Variants in CEL observed in about 807,000 individuals in gnomAD.
The protein encoded by CEL is carboxyl ester lipase, also known as bile salt-activated lipase.
CEL carries 39 observed loss-of-function variants against 57.1 expected under a neutral mutation model. That is an observed-to-expected ratio of 0.68 (90% CI 0.53 to 0.89). CEL has a LOEUF of 0.89. CEL is among the 40% of genes least tolerant of loss of function. The pLI is 0.00. For synonymous variants in CEL, 314 were observed against 396.6 expected, an observed-to-expected ratio of 0.79 and a Z score of 2.48; for missense variants, 698 against 915.0, an observed-to-expected ratio of 0.76 and a Z score of 3.06.
Position 133,066,480 on chromosome 9 carries a change from C to T in CEL, c.539-50C>T. ...TATGCTGATCTCCCCTCCTGGAGGC[C>T]AGGCCTGGGCCACTGGTCTCTAGCA... On this transcript the variant is annotated intron_variant, in intron 4 of 10. Coordinates refer to ENST00000372080, the MANE Select transcript of CEL (RefSeq NM_001807.6). The surrounding 1 kb of genome is among the most constrained non-coding windows in gnomAD (Gnocchi z 4.3). 6.2e-7 allele frequency: 1 copy of T among 1,612,352 alleles called. No homozygotes were observed. The highest frequency in any genetic ancestry group is 1.3e-5 in the African/African-American group (1 of 75,036).
At chr9:133,068,604 G>C in intron 7 of CEL, 68 bp from the exon 8 acceptor site, 3 of 1,609,886 alleles carry the variant, frequency 1.9e-6, no homozygotes, top group Non-Finnish European at 2.5e-6. Flanking sequence ...AGCCCTGAGA[G>C]GCAAGGGGCG....
intron 9 of CEL, among the ~76,000 whole-genome samples, chr9:133,070,074 G>A (rs1356007634): frequency 6.6e-6 from 1 of 151,652 alleles, no homozygotes; most frequent in Non-Finnish European, 1.5e-5. Context: ...AAGCTTTGCA[G>A]CAACTAAGCA....
chr9:133,070,549 AT>A lies in CEL; in HGVS notation c.1377del (p.Gln460SerfsTer25), dbSNP rs781635494. The A allele has an allele frequency of 1.9e-6, 3 of 1,613,822 alleles. No individual in the cohort carries two copies. In the East Asian group the frequency reaches 6.7e-5, roughly 36 times the overall value. ...GGTGGGGGCCGACCATGCAGATGAC[AT>A]TCAGTACGTTTTCGGGAAGCCCTTC... ...KWVGADHADD[I>X]QYVFGKPFAT... is the part of the protein sequence containing the mutation. On this transcript the variant is annotated frameshift_variant, in exon 10 of 11. Transcript: ENST00000372080. LOFTEE classifies it high-confidence loss of function.
chr9:133,066,941 A>G lies in CEL; in HGVS notation c.773A>G (p.Lys258Arg). Residue 258 changes from lysine to arginine, a missense_variant, in exon 6 of 11, where the codon AAA becomes AGA. Physicochemically the swap from Lys to Arg is conservative, Grantham distance 26. Transcript: ENST00000372080. This position sits in a 1 kb window ranked among gnomAD's most constrained non-coding sequence, Gnocchi z 4.3. ...CAGAAAAACCCACTCTTCTGGGCCA[A>G]AAAGGTAAACGGAGGAGGGCAGGGC... is the stretch of plus-strand genomic sequence containing the variant. ...VIQKNPLFWA[K>R]KVAEKVGCPV... The G allele has an allele frequency of 6.2e-7, 1 of 1,613,290 alleles. No individual in the cohort carries two copies. Among genetic ancestry groups the G allele is most frequent in the Admixed American group, 1.7e-5 (1 of 59,980 alleles).
chr9:133,062,127 CT>C (rs1830100754), intron 1 of CEL, 59 bp downstream of exon 1: 1 of 1,488,116 alleles, frequency 6.7e-7, no homozygotes, highest in Non-Finnish European at 9.1e-7. Context: ...GATCTGGAAA[CT>C]TCGGGCCAGG....
At chr9:133,063,656 C>G (rs1270016676) in intron 1 of CEL, among the ~76,000 whole-genome samples, 4 of 152,186 alleles carry the variant, frequency 2.6e-5, no homozygotes, top group African/African-American at 7.2e-5. Flanking sequence ...TGACTTCAAG[C>G]CCAAAAGCTG....
At chr9:133,070,422 G>T (rs1588491900) in intron 9 of CEL, 39 bp from the exon 10 acceptor site, 5 of 1,577,886 alleles carry the variant, frequency 3.2e-6, no homozygotes, top group Non-Finnish European at 4.3e-6. Flanking sequence ...TCGGTCCCCA[G>T]TGAGCACCCT....
In CEL at chr9:133,065,103, A is replaced by G. The variant is rs550592216; in HGVS notation, c.404A>G (p.His135Arg). ...YGGAFLMGSGHGANFLNNYLY... is the reference protein window; with the variant it reads ...YGGAFLMGSGRGANFLNNYLY... Reference sequence around the variant, plus strand: ...GGCGCCTTCCTCATGGGGTCCGGCCATGGGGCCAACTTCCTCAACAACTAC... The same window carrying G: ...GGCGCCTTCCTCATGGGGTCCGGCCGTGGGGCCAACTTCCTCAACAACTAC... Residue 135 changes from histidine to arginine, a missense_variant, in exon 4 of 11, where the codon CAT becomes CGT. Transcript: ENST00000372080. 3 of 1,613,888 alleles carry G rather than the reference A, an allele frequency of 1.9e-6. No homozygotes were observed. In the South Asian group the frequency reaches 3.3e-5, roughly 18 times the overall value.
rs1315710354 is a variant in CEL, at chr9:133,064,466, G to T, written c.129G>T (p.Leu43=). The change falls in exon 2 of 11, where the codon CTG becomes CTT. Residue 43 remains leucine, a synonymous_variant. Transcript: ENST00000372080. ...VEGVNKKLGL[L]GDSVDIFKGI... ...GCGTCAATAAGAAGCTCGGCCTCCTGGGTGACTCTGTGGACATCTTCAAGG... is the reference window on the plus strand; with the variant it reads ...GCGTCAATAAGAAGCTCGGCCTCCTTGGTGACTCTGTGGACATCTTCAAGG... 6.2e-7 allele frequency: 1 copy of T among 1,614,158 alleles called. No individual in the cohort carries two copies. The highest frequency in any genetic ancestry group is 8.5e-7 in the Non-Finnish European group (1 of 1,180,016).
At chr9:133,070,044 T>C (rs999056190) in intron 9 of CEL, among the ~76,000 whole-genome samples, 4 of 151,842 alleles carry the variant, frequency 2.6e-5, no homozygotes, top group Admixed American at 1.3e-4. Flanking sequence ...GATAAAAGTA[T>C]ACCTAGAAGT....
Position 133,064,448 on chromosome 9 carries a change from T to C in CEL, c.111T>C (p.Asn37=), listed in dbSNP as rs371915512. ...AAGGTGGGTTCGTGGAAGGCGTCAA[T>C]AAGAAGCTCGGCCTCCTGGGTGACT... ...YTEGGFVEGV[N]KKLGLLGDSV... is the part of the protein sequence containing the mutation. The change falls in exon 2 of 11, where the codon AAT becomes AAC. Residue 37 remains asparagine (N), a synonymous_variant. Coordinates refer to ENST00000372080, the MANE Select transcript of CEL (RefSeq NM_001807.6). 2 of 1,614,114 alleles carry C rather than the reference T, an allele frequency of 1.2e-6. No homozygotes were observed. Among genetic ancestry groups the C allele is most frequent in the Non-Finnish European group, 1.7e-6 (2 of 1,180,014 alleles).
Position 133,062,627 on chromosome 9 carries a change from A to G in CEL, c.66+559A>G, listed in dbSNP as rs559353746. Among the ~76,000 whole-genome samples, 7 of 146,650 alleles carry G rather than the reference A, an allele frequency of 4.8e-5. 1 individual carries two copies. Among genetic ancestry groups the G allele is most frequent in the African/African-American group, 1.6e-4 (6 of 37,102 alleles). ...GAAAAAGAAAAAAATGAAACATACT[A>G]AAAAACAATTCACTGTTTACCTGAA... On this transcript the variant is annotated intron_variant, in intron 1 of 10. Transcript: ENST00000372080.
intron 1 of CEL, among the ~76,000 whole-genome samples, chr9:133,064,198 C>T (rs1830136925): frequency 6.6e-6 from 1 of 152,194 alleles, no homozygotes; most frequent in African/African-American, 2.4e-5. Flanking sequence ...GGGAGCAGGA[C>T]ACCCCCAGGG....
intron 7 of CEL, 102 bp from the exon 8 acceptor site, chr9:133,068,570 A>G: frequency 6.6e-7 from 1 of 1,516,220 alleles, no homozygotes. Flanking sequence ...CATAGATCAG[A>G]GAAGGGAGGA....
intron 7 of CEL, 53 bp downstream of exon 7, chr9:133,067,258 G>A: frequency 6.7e-7 from 1 of 1,487,054 alleles, no homozygotes; most frequent in Non-Finnish European, 9.3e-7. Context: ...GGTTGAGGGG[G>A]GTACTGCCAG....
Position 133,066,962 on chromosome 9 carries a change from A to C in CEL, c.777+17A>C. On this transcript the variant is annotated intron_variant, in intron 6 of 10. Transcript: ENST00000372080. This position sits in a 1 kb window ranked among gnomAD's most constrained non-coding sequence, Gnocchi z 4.3. ...GCCAAAAAGGTAAACGGAGGAGGGC[A>C]GGGCTGGGCGGGGTGGGGGCTGTCC... The C allele has an allele frequency of 9.6e-5, 50 of 521,192 alleles. No individual in the cohort carries two copies. Among genetic ancestry groups the C allele is most frequent in the Non-Finnish European group, 1.5e-4 (43 of 277,456 alleles). 32.3% of individuals were successfully genotyped at this position (521,192 alleles called of 1,614,324 possible).
In CEL at chr9:133,071,081, A is replaced by G; in HGVS notation, c.1579A>G (p.Ser527Gly). 1 of 1,612,274 alleles carries G rather than the reference A, an allele frequency of 6.2e-7. No homozygotes were observed. The highest frequency in any genetic ancestry group is 1.1e-5 in the South Asian group (1 of 91,080). Reference protein sequence around the residue: ...GYLEITKKMGSSSMKRSLRTN... With the variant: ...GYLEITKKMGGSSMKRSLRTN... ...CCTGGAGATCACCAAGAAGATGGGC[A>G]GCAGCTCCATGAAGCGGAGCCTGAG... Residue 527 changes from serine to glycine, a missense_variant, in exon 11 of 11, where the codon AGC becomes GGC. Physicochemically the swap from Ser to Gly is moderately conservative, Grantham distance 56 (BLOSUM62 0). Around this residue, in one of 6 missense-constraint regions of CEL, gnomAD observed 111 missense variants for 147.3 expected, o/e 0.75. Transcript: ENST00000372080.
rs529620547 is a variant in CEL at position 133,071,250 on chromosome 9, C to A, written c.1748C>A (p.Pro583Gln). The change falls in exon 11 of 11, where the codon CCG (proline) becomes CAG (glutamine). Residue 583 changes from proline (P) to glutamine (Q), a missense_variant. Around this residue, in one of 6 missense-constraint regions of CEL, gnomAD observed 238 missense variants for 213.7 expected, o/e 1.11. Transcript: ENST00000372080. ...PTGDSETAPVPPTGDSGAPPV... is the reference protein window; with the variant it reads ...PTGDSETAPVQPTGDSGAPPV... ...GGTGACTCCGAGACCGCCCCCGTGCCGCCCACGGGTGACTCCGGGGCCCCC... is the reference window on the plus strand; with the variant it reads ...GGTGACTCCGAGACCGCCCCCGTGCAGCCCACGGGTGACTCCGGGGCCCCC... 1.3e-6 allele frequency: 2 copies of A among 1,573,236 alleles called. No individual in the cohort carries two copies. Among genetic ancestry groups the A allele is most frequent in the Non-Finnish European group, 1.7e-6 (2 of 1,167,614 alleles).
At chr9:133,067,298 C>T (rs1024143823) in intron 7 of CEL, 93 bp downstream of exon 7, 37 of 1,170,042 alleles carry the variant, frequency 3.2e-5, no homozygotes, top group Non-Finnish European at 4.1e-5. Flanking sequence ...AGGAAGGTGC[C>T]AGAGCTGCGG....
Sources: allele counts gnomAD v4.1 joint callset (sites outside exome capture counted in the v4.1 genomes callset), GRCh38; gene constraint gnomAD v4.1.1; regional missense constraint gnomAD v4.1.1; non-coding constraint Gnocchi (gnomAD v3.1); transcripts MANE v1.5; gene names NCBI Gene and HGNC (gene_info 2026-07-23, HGNC 2026-07-21).